ZC3H12B: variants seen among roughly 807,000 people sequenced by gnomAD.
The protein encoded by ZC3H12B is probable ribonuclease ZC3H12B.
In ZC3H12B, 7 loss-of-function variants were observed where a neutral mutation model predicts 43.9. That is an observed-to-expected ratio of 0.16 (90% CI 0.09 to 0.30). The LOEUF (loss-of-function observed/expected upper bound fraction) is 0.30. ZC3H12B is among the 10% of genes least tolerant of loss of function. The pLI, the probability that ZC3H12B is intolerant of heterozygous loss-of-function variation, is 1.00. For synonymous variants in ZC3H12B, 222 were observed against 241.7 expected (o/e 0.92, Z 0.76); for missense variants, 475 against 670.2 (o/e 0.71, Z 3.22).
the ZC3H12B span, among the ~76,000 whole-genome samples, chrX:65,277,097 C>T: frequency 9.0e-6 from 1 of 110,828 alleles, no homozygotes; most frequent in African/African-American, 3.3e-5. Context: ...AAATTTATGT[C>T]AAGAAGATTT....
chrX:65,276,698 G>T, the ZC3H12B span, among the ~76,000 whole-genome samples: 1 of 111,900 alleles, frequency 8.9e-6, no homozygotes, highest in Non-Finnish European at 1.9e-5. Context: ...AAATGCTCAA[G>T]TGAGTCTTAC....
At chrX:65,231,425 G>A in the ZC3H12B span, among the ~76,000 whole-genome samples, 2 of 111,138 alleles carry the variant, frequency 1.8e-5, no homozygotes, top group Non-Finnish European at 3.8e-5. Context: ...TACCAGGCTG[G>A]AATTTCCTAG....
the ZC3H12B span, among the ~76,000 whole-genome samples, chrX:65,124,476 G>A: frequency 9.1e-6 from 1 of 110,110 alleles, no homozygotes; most frequent in South Asian, 3.8e-4. Flanking sequence ...CCTGATTTTG[G>A]CATTAGGGTG....
intron 2 of ZC3H12B, among the ~76,000 whole-genome samples, chrX:65,394,281 C>G (rs1207109083): frequency 8.9e-6 from 1 of 111,951 alleles, no homozygotes; most frequent in East Asian, 2.8e-4. Flanking sequence ...TTTCCCTTGC[C>G]TATGTCTTGA....
the ZC3H12B span, among the ~76,000 whole-genome samples, chrX:65,183,414 G>A: frequency 1.8e-5 from 2 of 111,150 alleles, no homozygotes; most frequent in South Asian, 3.8e-4. Context: ...TCTATTTGAG[G>A]TTGGAGGGTG....
the ZC3H12B span, among the ~76,000 whole-genome samples, chrX:65,228,165 C>T: frequency 8.9e-6 from 1 of 111,815 alleles, no homozygotes. Flanking sequence ...TCCAGCAACA[C>T]ATCAAAAAGC....
chrX:65,502,988 G>A (rs201974933), exon 5 of ZC3H12B: 47 of 1,209,643 alleles, frequency 3.9e-5, no homozygotes, highest in Middle Eastern at 4.6e-4. Context: ...GGTACGGAGC[G>A]TGCCTGAAAA....
At chrX:65,266,929 G>A in the ZC3H12B span, among the ~76,000 whole-genome samples, 3 of 110,672 alleles carry the variant, frequency 2.7e-5, no homozygotes, top group Non-Finnish European at 5.7e-5. Context: ...AGCCTGGAAG[G>A]AAGAGTCTGT....
intron 2 of ZC3H12B, among the ~76,000 whole-genome samples, chrX:65,393,794 G>A (rs1602373161): frequency 8.9e-6 from 1 of 111,961 alleles, no homozygotes; most frequent in South Asian, 3.8e-4. Flanking sequence ...CACAATGGTT[G>A]AACTAATTTA....
chrX:65,280,416 C>T, the ZC3H12B span, among the ~76,000 whole-genome samples: 1 of 111,741 alleles, frequency 8.9e-6, no homozygotes, highest in East Asian at 2.8e-4. Context: ...AGATTATAAA[C>T]GACAAACCCA....
At chrX:65,179,828 T>C in the ZC3H12B span, among the ~76,000 whole-genome samples, 10 of 112,268 alleles carry the variant, frequency 8.9e-5, no homozygotes, top group Non-Finnish European at 1.9e-4. Context: ...ATTCTCTGAA[T>C]AGACCAATAA....
chrX:65,437,514 T>G (rs2067235846), intron 3 of ZC3H12B, among the ~76,000 whole-genome samples: 2 of 112,677 alleles, frequency 1.8e-5, no homozygotes, highest in African/African-American at 6.4e-5. Context: ...AAGCACATTT[T>G]CATATGTCTG....
chrX:65,051,374 C>T, the ZC3H12B span, among the ~76,000 whole-genome samples: 1 of 111,121 alleles, frequency 9.0e-6, no homozygotes, highest in Non-Finnish European at 1.9e-5. Flanking sequence ...TTTCCTTCTG[C>T]TCACTTTAGT....
chrX:65,248,639 C>A, the ZC3H12B span, among the ~76,000 whole-genome samples: 1 of 111,680 alleles, frequency 9.0e-6, no homozygotes, highest in Non-Finnish European at 1.9e-5. Flanking sequence ...ACTTTTAGTT[C>A]TTTAAGGAAT....
the ZC3H12B span, chrX:65,328,296 A>T: frequency 3.9e-6 from 1 of 253,875 alleles, no homozygotes; most frequent in Non-Finnish European, 7.9e-6. Context: ...GTATTCTTTT[A>T]TCCCTGGCAT....
At chrX:65,140,445 A>G in the ZC3H12B span, among the ~76,000 whole-genome samples, 1 of 111,904 alleles carries the variant, frequency 8.9e-6, no homozygotes, top group Non-Finnish European at 1.9e-5. Context: ...GTGATAAATC[A>G]CACTTGATCT....
At chrX:65,183,512 A>G in the ZC3H12B span, among the ~76,000 whole-genome samples, 3 of 111,455 alleles carry the variant, frequency 2.7e-5, no homozygotes, top group African/African-American at 9.8e-5. Flanking sequence ...CAATTTACCT[A>G]CATAACAAAC....
chrX:65,109,499 C>A, the ZC3H12B span, among the ~76,000 whole-genome samples: 1 of 111,808 alleles, frequency 8.9e-6, no homozygotes, highest in African/African-American at 3.2e-5. Context: ...TTTTCTAGGT[C>A]TATGCATGTG....
chrX:65,214,028 A>T, the ZC3H12B span, among the ~76,000 whole-genome samples: 2 of 111,352 alleles, frequency 1.8e-5, no homozygotes, highest in Non-Finnish European at 3.8e-5. Flanking sequence ...TCTTAGTGTG[A>T]AATAGCATTG....
Sources: allele counts gnomAD v4.1 joint callset (sites outside exome capture counted in the v4.1 genomes callset), GRCh38; gene constraint gnomAD v4.1.1; transcripts MANE v1.5; gene names NCBI Gene and HGNC (gene_info 2026-07-23, HGNC 2026-07-21).